Variants in CATSPERE observed in about 807,000 individuals in gnomAD.
The protein encoded by CATSPERE is catsper channel auxiliary subunit epsilon.
CATSPERE carries 93 observed loss-of-function variants against 114.1 expected under a neutral mutation model. The ratio of observed to expected loss-of-function variants is 0.81; its 90% CI spans 0.69 to 0.97. The LOEUF (loss-of-function observed/expected upper bound fraction) is 0.97, where lower values mean the gene tolerates loss of function less well. CATSPERE is among the 50% of genes least tolerant of loss of function. The probability of loss-of-function intolerance (pLI) is 0.00; values close to 1 mark genes in which losing one functional copy is unlikely to be tolerated. For missense variants in CATSPERE, 1,058 were observed against 1,131.6 expected (o/e 0.93, Z 0.93); for synonymous variants, 341 against 384.1 (o/e 0.89, Z 1.31).
intron 17 of CATSPERE, among the ~76,000 whole-genome samples, chr1:244,602,554 A>G (rs1317816804): frequency 6.6e-6 from 1 of 152,202 alleles, no homozygotes; most frequent in African/African-American, 2.4e-5. Flanking sequence ...CAACACTCAT[A>G]AGAAGGAAGC....
rs376378621 is a variant in CATSPERE, at chr1:244,610,344, T to G, written c.2490+18T>G. On this transcript the variant is annotated intron_variant, in intron 19 of 21. Coordinates refer to ENST00000366534, the MANE Select transcript of CATSPERE (RefSeq NM_001130957.2). The stretch of plus-strand genomic sequence containing the variant: ...GACCTGAGGTAAGAGAAACATTACC[T>G]TCCAGATTGTTTATTTGGAATAACT... 54 of 1,552,354 alleles carry G rather than the reference T, an allele frequency of 3.5e-5. No homozygotes were observed. Among genetic ancestry groups the G allele is most frequent in the Non-Finnish European group, 4.6e-5 (52 of 1,125,042 alleles).
At position 244,508,831 on chromosome 1, in the gene CATSPERE, T is replaced by TAA. The variant is rs960028586; in HGVS notation, c.430-9742_430-9741dup. 2.2e-3 allele frequency among the ~76,000 whole-genome samples: 255 copies of TAA among 114,234 alleles called. 3 individuals carry two copies. The highest frequency in any genetic ancestry group is 8.8e-3 in the Middle Eastern group (2 of 228). 74.9% of individuals were successfully genotyped at this position (114,234 alleles called of 152,430 possible). A position where few individuals can be genotyped will look rare whatever the true frequency, so the allele number is the denominator to read the frequency against. On this transcript the variant is annotated intron_variant, in intron 7 of 21. Coordinates refer to ENST00000366534, the MANE Select transcript of CATSPERE (RefSeq NM_001130957.2). Reference sequence around the variant, plus strand: ...GGGCAACATAGTGAGACCCTATCTCTAAAAAAAAAAAAAAAAAAAATTAGC... The same window carrying TAA: ...GGGCAACATAGTGAGACCCTATCTCTAAAAAAAAAAAAAAAAAAAAAATTAGC...
intron 1 of CATSPERE, among the ~76,000 whole-genome samples, chr1:244,461,860 C>T (rs1356260698): frequency 6.6e-6 from 1 of 152,196 alleles, no homozygotes; most frequent in Non-Finnish European, 1.5e-5. Context: ...GTTGCCCAGG[C>T]TGCAATGCAG....
chr1:244,452,919 G>A (rs978570929), upstream of CATSPERE, among the ~76,000 whole-genome samples: 1 of 152,072 alleles, frequency 6.6e-6, no homozygotes, highest in African/African-American at 2.4e-5. Context: ...CTGATAAAAG[G>A]TGCTTCGAAA....
intron 11 of CATSPERE, among the ~76,000 whole-genome samples, chr1:244,576,312 G>A (rs772525136): frequency 1.3e-5 from 2 of 151,946 alleles, no homozygotes; most frequent in African/African-American, 4.8e-5. Flanking sequence ...CCAGAGGAAA[G>A]TGTATCCCTG....
At chr1:244,469,170 C>G (rs1255185618) in intron 2 of CATSPERE, among the ~76,000 whole-genome samples, 1 of 152,112 alleles carries the variant, frequency 6.6e-6, no homozygotes, top group African/African-American at 2.4e-5. Context: ...GTAATTTCCA[C>G]AGAATTTGTT....
In CATSPERE at chr1:244,552,434, T is replaced by C; in HGVS notation, c.649T>C (p.Phe217Leu). The change falls in exon 9 of 22, where the codon TTT (phenylalanine) becomes CTT (leucine). Residue 217 changes from phenylalanine to leucine, a missense_variant. Physicochemically the swap from Phe to Leu is conservative, Grantham distance 22 (BLOSUM62 0). Around this residue, in one of 2 missense-constraint regions of CATSPERE, gnomAD observed 787 missense variants for 905.6 expected, o/e 0.87. Transcript: ENST00000366534. ...TGCAGATTTTCTTATTCTGTTGACTTTTCCTTTGTTGACCATACCTGAAAT... is the reference window on the plus strand; with the variant it reads ...TGCAGATTTTCTTATTCTGTTGACTCTTCCTTTGTTGACCATACCTGAAAT... ...FIADFLILLTFPLLTIPEIPG... is the reference protein window; with the variant it reads ...FIADFLILLTLPLLTIPEIPG... The C allele has an allele frequency of 6.2e-7, 1 of 1,614,208 alleles. No homozygotes were observed.
chr1:244,512,886 C>T (rs1336344072), intron 7 of CATSPERE, among the ~76,000 whole-genome samples: 2 of 152,260 alleles, frequency 1.3e-5, no homozygotes, highest in African/African-American at 4.8e-5. Context: ...GTGGCTTAGG[C>T]TGTGGTTGTT....
intron 17 of CATSPERE, among the ~76,000 whole-genome samples, chr1:244,605,159 A>G (rs770884735): frequency 1.3e-5 from 2 of 152,182 alleles, no homozygotes; most frequent in African/African-American, 2.4e-5. Flanking sequence ...CGTTCTCATC[A>G]TAGTAATTCT....
In CATSPERE at chr1:244,575,950, T is replaced by G. The variant is rs1665189399; in HGVS notation, c.1950+3178T>G. ...ACTTCACCGCCTCCCATGGCTTTTC[T>G]TTCCTTAGTCCTGACTAAGGAATGC... On this transcript the variant is annotated intron_variant, in intron 11 of 21. Coordinates refer to ENST00000366534, the MANE Select transcript of CATSPERE (RefSeq NM_001130957.2). The surrounding 1 kb of genome is among the most constrained non-coding windows in gnomAD (Gnocchi z 4.5). Among the ~76,000 whole-genome samples the G allele has an allele frequency of 6.6e-6, 1 of 152,170 alleles. No individual in the cohort carries two copies. Among genetic ancestry groups the G allele is most frequent in the African/African-American group, 2.4e-5 (1 of 41,438 alleles).
chr1:244,499,347 C>CT (rs1673636372), intron 7 of CATSPERE, among the ~76,000 whole-genome samples: 1 of 151,796 alleles, frequency 6.6e-6, no homozygotes, highest in Non-Finnish European at 1.5e-5. Context: ...AAATTTTACT[C>CT]TAAGTTCAGA....
chr1:244,610,202 C>A, intron 18 of CATSPERE, 38 bp from the exon 19 acceptor site: 3 of 1,371,046 alleles, frequency 2.2e-6, no homozygotes, highest in African/African-American at 1.5e-5. Context: ...GATATGAAAA[C>A]TTCTACCTAC....
At chr1:244,630,767 CAGGG>C (rs916855550) in intron 20 of CATSPERE, among the ~76,000 whole-genome samples, 17 of 152,248 alleles carry the variant, frequency 1.1e-4, no homozygotes, top group Admixed American at 1.0e-3. Context: ...GGTCCTATCT[CAGGG>C]AGAATGAGTG....
intron 8 of CATSPERE, among the ~76,000 whole-genome samples, chr1:244,522,139 C>T (rs996540140): frequency 2.6e-5 from 4 of 152,162 alleles, no homozygotes; most frequent in Admixed American, 1.3e-4. Context: ...AACTGTCTCT[C>T]AGACCACAGT....
intron 6 of CATSPERE, among the ~76,000 whole-genome samples, chr1:244,492,911 G>A (rs56797321): frequency 1.3e-5 from 2 of 149,986 alleles, no homozygotes; most frequent in Admixed American, 6.7e-5. Flanking sequence ...CCTCTTCAAG[G>A]AGAACTACAA....
chr1:244,579,923 A>C (rs1440526600), intron 11 of CATSPERE, among the ~76,000 whole-genome samples: 1 of 152,200 alleles, frequency 6.6e-6, no homozygotes, highest in Non-Finnish European at 1.5e-5. Context: ...GTTAGTATAC[A>C]TTAAGGGCTT....
At chr1:244,521,384 T>C (rs1677528697) in intron 8 of CATSPERE, among the ~76,000 whole-genome samples, 1 of 152,040 alleles carries the variant, frequency 6.6e-6, no homozygotes, top group African/African-American at 2.4e-5. Context: ...TCCAGTAATA[T>C]ATATGAAAAA....
chr1:244,484,555 G>A (rs969177311), intron 5 of CATSPERE, among the ~76,000 whole-genome samples: 3 of 152,138 alleles, frequency 2.0e-5, no homozygotes, highest in South Asian at 2.1e-4. Context: ...TGGTGCAATT[G>A]TAATTGGTGT....
chr1:244,463,619 C>A, intron 1 of CATSPERE, among the ~76,000 whole-genome samples: 1 of 148,728 alleles, frequency 6.7e-6, no homozygotes, highest in African/African-American at 2.5e-5. Context: ...GAGTTAGAGC[C>A]AGTGTTCTTC....
Sources: allele counts gnomAD v4.1 joint callset (sites outside exome capture counted in the v4.1 genomes callset), GRCh38; gene constraint gnomAD v4.1.1; regional missense constraint gnomAD v4.1.1; non-coding constraint Gnocchi (gnomAD v3.1); transcripts MANE v1.5; gene names NCBI Gene and HGNC (gene_info 2026-07-23, HGNC 2026-07-21).